The following RIBC2 variants were observed in gnomAD, a reference collection of about 807,000 sequenced individuals.
RIBC2 encodes the protein RIB43A-like with coiled-coils protein 2.
Under a neutral mutation model 44.3 loss-of-function variants are expected in RIBC2, and 40 were observed. The observed-to-expected ratio is 0.90, with a 90% CI of 0.70 to 1.18. The LOEUF is 1.18. RIBC2 is among the 50% of genes most tolerant of loss of function. The probability of loss-of-function intolerance (pLI) is 0.00; values close to 1 mark genes in which losing one functional copy is unlikely to be tolerated. For synonymous variants in RIBC2, 171 were observed against 175.0 expected, an observed-to-expected ratio of 0.98 and a Z score of 0.18; for missense variants, 459 against 485.5, an observed-to-expected ratio of 0.95 and a Z score of 0.51.
Position 45,417,749 on chromosome 22 carries a change from C to T in RIBC2, c.359C>T (p.Pro120Leu), listed in dbSNP as rs147034880. The part of the protein sequence containing the change: ...ETRREFDLSD[P>L]LALKKDLPAR... ...CGCCGTGAATTTGATCTGTCCGACC[C>T]CCTAGCCCTTAAGAAAGATCTTCCA... The change falls in exon 3 of 7, where the codon CCC becomes CTC. Residue 120 changes from proline (P) to leucine (L), a missense_variant. Pro to Leu is a moderately conservative substitution (Grantham distance 98). Transcript: ENST00000614167. 1.9e-6 allele frequency: 3 copies of T among 1,614,106 alleles called. No homozygotes were observed. The highest frequency in any genetic ancestry group is 1.3e-5 in the African/African-American group (1 of 75,008).
At chr22:45,422,251 G>T in intron 3 of RIBC2, 39 bp from the exon 4 acceptor site, 1 of 1,498,680 alleles carries the variant, frequency 6.7e-7, no homozygotes, top group Non-Finnish European at 9.3e-7. Flanking sequence ...AGGTGCTCCT[G>T]TGGCCAGGTC....
intron 4 of RIBC2, chr22:45,422,643 G>A (rs765708272): frequency 1.1e-5 from 6 of 526,514 alleles, no homozygotes; most frequent in Admixed American, 3.2e-5. Context: ...CATGTAACCT[G>A]GGGAAGTCAG....
rs528673971 is a variant in RIBC2, at chr22:45,424,097, G to C, written c.675+1689G>C. Among the ~76,000 whole-genome samples, 22 of 152,200 alleles carry C rather than the reference G, an allele frequency of 1.4e-4. 1 individual carries two copies. The South Asian group carries it at 4.1e-3, about 29-fold the overall frequency. ...AGAAGATGTTTAATGGGCATCCACA[G>C]CCTGCCTGGTTTTCTCAGACCCCCG... On this transcript the variant is annotated intron_variant, in intron 4 of 6. Transcript: ENST00000614167.
At position 45,417,506 on chromosome 22, in the gene RIBC2, C is replaced by A. The variant is rs189966078; in HGVS notation, c.212-96C>A. On this transcript the variant is annotated intron_variant, in intron 2 of 6. Transcript: ENST00000614167. ...CCAGCCCAGGCAACATAATGAGGCC[C>A]TATCTCTAAAAAAGTAAATAATAAA... The A allele has an allele frequency of 4.1e-6, 4 of 975,256 alleles. No individual in the cohort carries two copies. In the East Asian group the frequency reaches 7.9e-5, roughly 19 times the overall value. The allele number at this position is 975,256 out of a possible 1,614,324, so 60.4% of individuals were successfully genotyped here.
chr22:45,414,306 G>GT lies in RIBC2; in HGVS notation c.130-11dup. 6.5e-7 allele frequency: 1 copy of GT among 1,544,690 alleles called. No homozygotes were observed. The highest frequency in any genetic ancestry group is 8.7e-7 in the Non-Finnish European group (1 of 1,144,676). On this transcript the variant is annotated splice_polypyrimidine_tract_variant and intron_variant, in intron 1 of 6. Coordinates refer to ENST00000614167, the MANE Select transcript of RIBC2 (RefSeq NM_015653.5). ...GATCTGGCTCTAACCCTTCTCCTCTGTTTTTCCATTTATAGGGAGACACTG... is the reference window on the plus strand; with the variant it reads ...GATCTGGCTCTAACCCTTCTCCTCTGTTTTTTCCATTTATAGGGAGACACTG...
At chr22:45,432,210 TCAA>T in intron 6 of RIBC2, 71 bp from the exon 7 acceptor site, 1 of 768,602 alleles carries the variant, frequency 1.3e-6, no homozygotes, top group South Asian at 1.8e-5. Flanking sequence ...GTGTGCCTTT[TCAA>T]AAAAAAAAAA....
At chr22:45,424,122 G>A (rs937540158) in intron 4 of RIBC2, among the ~76,000 whole-genome samples, 7 of 152,060 alleles carry the variant, frequency 4.6e-5, no homozygotes, top group Non-Finnish European at 1.0e-4. Flanking sequence ...TCAGACCCCC[G>A]GCTCCTCACG....
intron 5 of RIBC2, among the ~76,000 whole-genome samples, chr22:45,426,749 C>G (rs550580334): frequency 3.9e-5 from 6 of 152,106 alleles, no homozygotes; most frequent in Admixed American, 3.9e-4. Flanking sequence ...AGGGCAGACA[C>G]TAGGGGCTGA....
Position 45,426,170 on chromosome 22 carries a change from A to T in RIBC2, c.898A>T (p.Lys300Ter). The T allele has an allele frequency of 6.2e-7, 1 of 1,612,884 alleles. No individual in the cohort carries two copies. The highest frequency in any genetic ancestry group is 8.5e-7 in the Non-Finnish European group (1 of 1,179,616). ...AGTCCAGAAGCAGCAAATCCAGGAG[A>T]AGCTGGTGACTGCCCCGCCCCTTTT... The part of the protein sequence containing the change: ...RLVQKQQIQE[K>*]LRLQEEKRQR... The change falls in exon 5 of 7, where the codon AAG becomes TAG. Residue 300 changes from lysine (K) to a stop codon, truncating the protein, a stop_gained. Transcript: ENST00000614167. LOFTEE classifies it high-confidence loss of function.
Position 45,417,671 on chromosome 22 carries a change from A to ATCTC in RIBC2, c.283_286dup (p.Cys96SerfsTer3). 2 of 1,614,116 alleles carry ATCTC rather than the reference A, an allele frequency of 1.2e-6. No individual in the cohort carries two copies. The highest frequency in any genetic ancestry group is 1.7e-6 in the Non-Finnish European group (2 of 1,180,024). On this transcript the variant is annotated frameshift_variant, in exon 3 of 7. Transcript: ENST00000614167. LOFTEE classifies it high-confidence loss of function. ...AACCGGAAAAAGAGGGATAGGAAAA[A>ATCTC]TCTCTGTAGGGCTATCAATGACTTC...
intron 4 of RIBC2, 36 bp downstream of exon 4, chr22:45,422,444 G>A (rs2087495230): frequency 6.8e-7 from 1 of 1,467,498 alleles, no homozygotes; most frequent in East Asian, 2.3e-5. Context: ...TCGACGACTG[G>A]AGGGGAGGAT....
intron 2 of RIBC2, among the ~76,000 whole-genome samples, chr22:45,417,122 T>A (rs1478994142): frequency 6.6e-6 from 1 of 150,796 alleles, no homozygotes; most frequent in Non-Finnish European, 1.5e-5. Flanking sequence ...GCTGGTCTTA[T>A]ACTCCTGATC....
rs1244637167 is a variant in RIBC2 at position 45,422,318 on chromosome 22, G to GT, written c.588dup (p.Asp197Ter). The GT allele has an allele frequency of 3.1e-6, 5 of 1,614,062 alleles. No homozygotes were observed. In the African/African-American group the frequency reaches 5.3e-5, roughly 17 times the overall value. ...CCCTCTACACAGAGACAAGGCTGCA[G>GT]TTTGACGAGACAGCCAAGCACCTCC... is the stretch of plus-strand genomic sequence containing the variant. On this transcript the variant is annotated frameshift_variant, in exon 4 of 7. Coordinates refer to ENST00000614167, the MANE Select transcript of RIBC2 (RefSeq NM_015653.5). LOFTEE classifies it high-confidence loss of function.
intron 2 of RIBC2, among the ~76,000 whole-genome samples, chr22:45,416,409 G>C (rs372627647): frequency 6.6e-6 from 1 of 152,068 alleles, no homozygotes; most frequent in Non-Finnish European, 1.5e-5. Flanking sequence ...AAATTGTTTC[G>C]TTGTAAGTGT....
intron 5 of RIBC2, among the ~76,000 whole-genome samples, chr22:45,428,630 C>T (rs2087553345): frequency 6.6e-6 from 1 of 152,160 alleles, no homozygotes; most frequent in Admixed American, 6.5e-5. Flanking sequence ...TTGATCTGTA[C>T]TGGGGGCTGT....
Position 45,417,957 on chromosome 22 carries a change from A to G in RIBC2, c.556+11A>G. ...AACAAAAATGCGCAGGTAATGAAAC[A>G]GAAGAGACGAGCTGGTCTCAACGCT... On this transcript the variant is annotated intron_variant, in intron 3 of 6. Coordinates refer to ENST00000614167, the MANE Select transcript of RIBC2 (RefSeq NM_015653.5). 6.4e-7 allele frequency: 1 copy of G among 1,560,558 alleles called. No homozygotes were observed. Among genetic ancestry groups the G allele is most frequent in the South Asian group, 1.2e-5 (1 of 84,860 alleles).
intron 5 of RIBC2, among the ~76,000 whole-genome samples, chr22:45,428,945 T>C (rs914835459): frequency 4.6e-5 from 7 of 152,268 alleles, no homozygotes; most frequent in African/African-American, 1.7e-4. Context: ...AGTGAAGGAC[T>C]CAGGGGGCCG....
Position 45,432,383 on chromosome 22 carries a change from C to T in RIBC2, c.*21C>T. On this transcript the variant is annotated 3_prime_UTR_variant, in exon 7 of 7. Coordinates refer to ENST00000614167, the MANE Select transcript of RIBC2 (RefSeq NM_015653.5). ...GATAATGAGGAACACACCCTTGTTC[C>T]CGTCATTCACGTATAAAGAGTGGCT... 6.7e-7 allele frequency: 1 copy of T among 1,496,210 alleles called. No individual in the cohort carries two copies. Among genetic ancestry groups the T allele is most frequent in the Non-Finnish European group, 9.2e-7 (1 of 1,084,024 alleles). 92.7% of individuals were successfully genotyped at this position (1,496,210 alleles called of 1,614,324 possible).
intron 4 of RIBC2, among the ~76,000 whole-genome samples, chr22:45,423,305 G>C (rs1445895473): frequency 6.6e-6 from 1 of 151,326 alleles, no homozygotes; most frequent in Non-Finnish European, 1.5e-5. Flanking sequence ...TCGCCCCCCT[G>C]CCTCTCCCTC....
Sources: gnomAD v4.1 joint callset for allele counts (sites outside exome capture counted in the v4.1 genomes callset) on GRCh38, gnomAD v4.1.1 for gene constraint, MANE v1.5 for transcripts, NCBI Gene and HGNC (gene_info 2026-07-23, HGNC 2026-07-21) for gene names.